Variants in MUC4 observed in about 807,000 individuals in gnomAD.
The protein encoded by MUC4 is mucin 4, cell surface associated, also known as mucin-4.
A neutral mutation model predicts 257.9 loss-of-function variants in MUC4; 202 were observed. That is an observed-to-expected ratio of 0.78 (90% CI 0.70 to 0.88). MUC4 has a LOEUF of 0.88. Among genes scored for constraint, MUC4 ranks in the 40% least tolerant of loss-of-function variants. MUC4 has a pLI of 0.00. For synonymous variants in MUC4, 2,351 were observed against 2,757.1 expected (o/e 0.85, Z 4.62); for missense variants, 5,976 against 6,513.7 (o/e 0.92, Z 2.84).
rs1722254478 is a variant in MUC4 at position 195,769,160 on chromosome 3, T to C, written c.13399-8A>G. The C allele has an allele frequency of 1.2e-6, 2 of 1,613,384 alleles. No individual in the cohort carries two copies. The highest frequency in any genetic ancestry group is 1.7e-6 in the Non-Finnish European group (2 of 1,179,758). Reference sequence around the variant, plus strand: ...GGCTTGGTAGGTGTTGCTCTGGGGGTGGGTGGAAGAAAACACAGGGATGCC... The same window carrying C: ...GGCTTGGTAGGTGTTGCTCTGGGGGCGGGTGGAAGAAAACACAGGGATGCC... On this transcript the variant is annotated splice_polypyrimidine_tract_variant and splice_region_variant and intron_variant, in intron 6 of 24. Transcript: ENST00000463781.
intron 8 of MUC4, among the ~76,000 whole-genome samples, chr3:195,765,885 G>A (rs961931749): frequency 1.3e-5 from 2 of 152,102 alleles, no homozygotes; most frequent in African/African-American, 4.8e-5. Context: ...GTTTCTGGCT[G>A]TTAGCACGGT....
chr3:195,784,096 G>T lies in MUC4; in HGVS notation c.7484C>A (p.Thr2495Asn). Residue 2495 changes from threonine (T) to asparagine (N), a missense_variant, in exon 2 of 25, where the codon ACC becomes AAC. Thr to Asn is a moderately conservative substitution (Grantham distance 65). Coordinates refer to ENST00000463781, the MANE Select transcript of MUC4 (RefSeq NM_018406.7). Reference sequence around the variant, plus strand: ...GGAAGGGCTGGTGACAGGAAGACGGGTGGTGTCACCTGTGGATACTGACGA... The same window carrying T: ...GGAAGGGCTGGTGACAGGAAGACGGTTGGTGTCACCTGTGGATACTGACGA... The part of the protein sequence containing the change: ...DASSVSTGDT[T>N]RLPVTSPSSA... 1 of 1,535,996 alleles carries T rather than the reference G, an allele frequency of 6.5e-7. No homozygotes were observed. Among genetic ancestry groups the T allele is most frequent in the Non-Finnish European group, 8.8e-7 (1 of 1,142,750 alleles).
chr3:195,764,000 C>T (rs1178551448), intron 11 of MUC4, 45 bp downstream of exon 11: 2 of 1,580,746 alleles, frequency 1.3e-6, no homozygotes, highest in Non-Finnish European at 1.7e-6. Flanking sequence ...CCCAGAAGCT[C>T]CCCCTCCCCA....
Position 195,788,541 on chromosome 3 carries a change from G to GATGGTGACAGGAAGAGGGGTGGCGTGAC in MUC4, c.3038_3039insGTCACGCCACCCCTCTTCCTGTCACCAT (p.Ser1013ArgfsTer50). The GATGGTGACAGGAAGAGGGGTGGCGTGAC allele has an allele frequency of 7.2e-7, 1 of 1,381,410 alleles. No homozygotes were observed. The highest frequency in any genetic ancestry group is 9.8e-7 in the Non-Finnish European group (1 of 1,021,244). 85.6% of individuals were successfully genotyped at this position (1,381,410 alleles called of 1,614,324 possible). A position where few individuals can be genotyped will look rare whatever the true frequency, so the allele number is the denominator to read the frequency against. ...TGTGACCTGTGGATACTGAGGAAGG[G>GATGGTGACAGGAAGAGGGGTGGCGTGAC]CTGGTGACAGGAAGAGGGGTGGCGT... On this transcript the variant is annotated frameshift_variant, in exon 2 of 25. Coordinates refer to ENST00000463781, the MANE Select transcript of MUC4 (RefSeq NM_018406.7). LOFTEE classifies it high-confidence loss of function.
In MUC4 at chr3:195,796,450, C is replaced by T. The variant is rs549385155; in HGVS notation, c.83-4953G>A. The stretch of plus-strand genomic sequence containing the variant: ...AATCTAGGCCGGGTGCGGTGGCTCA[C>T]GCCTGTAATCCTAACACGTTGGGAG... On this transcript the variant is annotated intron_variant, in intron 1 of 24. Transcript: ENST00000463781. 1.2e-3 allele frequency among the ~76,000 whole-genome samples: 186 copies of T among 152,264 alleles called. 1 individual carries two copies. The highest frequency in any genetic ancestry group is 1.8e-3 in the Non-Finnish European group (122 of 68,038).
At chr3:195,770,660 A>G (rs915145644) in intron 5 of MUC4, 6 of 508,036 alleles carry the variant, frequency 1.2e-5, no homozygotes, top group Non-Finnish European at 1.8e-5. Context: ...GAGCAGAGCC[A>G]CTCGGGCCCA....
At position 195,785,812 on chromosome 3, in the gene MUC4, A is replaced by G. The variant is rs1340886821; in HGVS notation, c.5768T>C (p.Val1923Ala). 1.3e-6 allele frequency: 2 copies of G among 1,521,564 alleles called. 1 individual carries two copies. Among genetic ancestry groups the G allele is most frequent in the Non-Finnish European group, 1.8e-6 (2 of 1,127,968 alleles). The allele number at this position is 1,521,564 out of a possible 1,614,324, so 94.3% of individuals were successfully genotyped here. The change falls in exon 2 of 25, where the codon GTC (valine) becomes GCC (alanine). Residue 1923 changes from valine to alanine, a missense_variant. Val to Ala is a moderately conservative substitution (Grantham distance 64). Transcript: ENST00000463781. ...VSTGHATSLP[V>A]TSLSSASTGD... The stretch of plus-strand genomic sequence containing the variant: ...TGTGGATGCTGAGGAAAGGCTGGTG[A>G]CAGGAAGAGAGGTGGCGTGACCTGT...
Position 195,789,820 on chromosome 3 carries a change from G to C in MUC4, c.1760C>G (p.Thr587Ser). The C allele has an allele frequency of 6.2e-7, 1 of 1,613,890 alleles. No homozygotes were observed. The highest frequency in any genetic ancestry group is 8.5e-7 in the Non-Finnish European group (1 of 1,179,814). ...GGATGTGGCCGTTTTTATCATCTGA[G>C]TCACACTGTAGCTTGGGCTGCTGAG... ...ALLSSPSYSV[T>S]QMIKTATSPS... The change falls in exon 2 of 25, where the codon ACT becomes AGT. Residue 587 changes from threonine to serine, a missense_variant. Physicochemically the swap from Thr to Ser is moderately conservative, Grantham distance 58. Coordinates refer to ENST00000463781, the MANE Select transcript of MUC4 (RefSeq NM_018406.7).
At chr3:195,809,362 A>C (rs1736398623) in intron 1 of MUC4, among the ~76,000 whole-genome samples, 1 of 152,176 alleles carries the variant, frequency 6.6e-6, no homozygotes, top group African/African-American at 2.4e-5. Flanking sequence ...AAACCCCTTC[A>C]GGGAGCCAAA....
intron 1 of MUC4, among the ~76,000 whole-genome samples, chr3:195,804,488 C>T (rs542399358): frequency 1.3e-5 from 2 of 152,248 alleles, no homozygotes; most frequent in East Asian, 1.9e-4. Flanking sequence ...ACAAAGCCTG[C>T]GGCTTTCTAA....
rs780553035 is a variant in MUC4 at position 195,750,932 on chromosome 3, G to A, written c.15828C>T (p.Val5276=). ...CGTCTTCCCCGGAGATGGGCTGGAA[G>A]ACCACGTCGTTCCTGGGCTCCTCAC... ...RRSEEPRNDV[V]FQPISGEDVR... The change falls in exon 23 of 25, where the codon GTC becomes GTT. Residue 5276 remains valine (V), a synonymous_variant. Transcript: ENST00000463781. 6.2e-7 allele frequency: 1 copy of A among 1,614,070 alleles called. No homozygotes were observed. The highest frequency in any genetic ancestry group is 1.1e-5 in the South Asian group (1 of 91,082).
intron 21 of MUC4, 139 bp downstream of exon 21, chr3:195,752,234 A>C: frequency 1.3e-6 from 1 of 785,680 alleles, no homozygotes; most frequent in East Asian, 2.6e-5. Flanking sequence ...TGCACCTCCC[A>C]TGGGGCAAGA....
At chr3:195,768,581 G>A (rs1265901704) in intron 7 of MUC4, among the ~76,000 whole-genome samples, 1 of 152,244 alleles carries the variant, frequency 6.6e-6, no homozygotes, top group South Asian at 2.1e-4. Context: ...TAGGCAAATT[G>A]CTAGTCTATT....
At chr3:195,767,543 TCACCATCACCATTACCATTGC>T (rs1560261515) in intron 7 of MUC4, among the ~76,000 whole-genome samples, 159 of 70,298 alleles carry the variant, frequency 2.3e-3, no homozygotes, top group African/African-American at 0.013. Context: ...ACCACCATCA[TCACCATCACCATTACCATTGC>T]CACCACCATC....
At chr3:195,769,911 C>T (rs567385038) in intron 6 of MUC4, among the ~76,000 whole-genome samples, 7 of 152,280 alleles carry the variant, frequency 4.6e-5, no homozygotes, top group South Asian at 2.1e-4. Flanking sequence ...GACTGAGCCA[C>T]GTGAAATTGT....
Position 195,759,147 on chromosome 3 carries a change from C to G in MUC4, c.14963G>C (p.Ser4988Thr), listed in dbSNP as rs1185000826. 4.6e-5 allele frequency: 75 copies of G among 1,614,044 alleles called. No individual in the cohort carries two copies. The highest frequency in any genetic ancestry group is 6.4e-5 in the Non-Finnish European group (75 of 1,180,008). ...AEDANFTLRD[S>T]CTDLELFENG... ...ACCAAAGAGCTCCAAGTCGGTGCAG[C>G]TGTCTCTGAGCGTGAAGTTGGCATC... The change falls in exon 17 of 25, where the codon AGC (serine) becomes ACC (threonine). Residue 4988 changes from serine to threonine, a missense_variant. Physicochemically the swap from Ser to Thr is moderately conservative, Grantham distance 58. This residue lies in a region of MUC4 where 996 missense variants were observed against 1,137.3 expected (regional missense o/e 0.88). Transcript: ENST00000463781.
rs540442603 is a variant in MUC4 at position 195,772,049 on chromosome 3, T to G, written c.13078-233A>C. Among the ~76,000 whole-genome samples, 4 of 152,292 alleles carry G rather than the reference T, an allele frequency of 2.6e-5. No homozygotes were observed. In the South Asian group the frequency reaches 6.2e-4, roughly 24 times the overall value. The stretch of plus-strand genomic sequence containing the variant: ...CGTCCTCGGGTGGTAGGCTTGGTCC[T>G]GTTTCACTGCAGATCCCTGGCTGTG... On this transcript the variant is annotated intron_variant, in intron 4 of 24. Coordinates refer to ENST00000463781, the MANE Select transcript of MUC4 (RefSeq NM_018406.7).
chr3:195,770,160 T>C (rs1722486040), intron 6 of MUC4, 56 bp downstream of exon 6: 2 of 1,461,382 alleles, frequency 1.4e-6, no homozygotes, highest in African/African-American at 1.5e-5. Flanking sequence ...CTGCCTAGGA[T>C]TCTAGGATGT....
chr3:195,770,165 G>C, intron 6 of MUC4, 51 bp downstream of exon 6: 1 of 1,478,298 alleles, frequency 6.8e-7, no homozygotes. Flanking sequence ...TAGGATTCTA[G>C]GATGTCTGAC....
Sources: allele counts gnomAD v4.1 joint callset (sites outside exome capture counted in the v4.1 genomes callset), GRCh38; gene constraint gnomAD v4.1.1; regional missense constraint gnomAD v4.1.1; transcripts MANE v1.5; gene names NCBI Gene and HGNC (gene_info 2026-07-23, HGNC 2026-07-21).